TGFBR3: variants seen among roughly 807,000 people sequenced by gnomAD.
TGFBR3 encodes transforming growth factor beta receptor 3.
A neutral mutation model predicts 87.9 loss-of-function variants in TGFBR3; 46 were observed. The observed-to-expected ratio is 0.52, with a 90% confidence interval of 0.41 to 0.67. TGFBR3 has a LOEUF of 0.67. Ranked by LOEUF, TGFBR3 falls within the 30% of genes least tolerant of loss-of-function variation. The probability of loss-of-function intolerance (pLI) is 0.00; values close to 1 mark genes in which losing one functional copy is unlikely to be tolerated. For missense variants in TGFBR3, 866 were observed against 1,041.9 expected (o/e 0.83, Z 2.32); for synonymous variants, 381 against 391.6 (o/e 0.97, Z 0.32).
intron 2 of TGFBR3, among the ~76,000 whole-genome samples, chr1:91,810,173 C>G (rs1051335739): frequency 6.6e-6 from 1 of 152,142 alleles, no homozygotes; most frequent in Non-Finnish European, 1.5e-5. Context: ...ATCCTCCCAC[C>G]TCGGCCTCCC....
chr1:91,878,002 G>A (rs529943854), intron 1 of TGFBR3, among the ~76,000 whole-genome samples: 5 of 152,280 alleles, frequency 3.3e-5, no homozygotes, highest in Admixed American at 6.5e-5. Context: ...AAGACCTTAC[G>A]CTGCAATGAT....
intron 3 of TGFBR3, among the ~76,000 whole-genome samples, chr1:91,782,125 G>A (rs1674791639): frequency 6.6e-6 from 1 of 152,116 alleles, no homozygotes; most frequent in Non-Finnish European, 1.5e-5. Context: ...GAGCAATGAA[G>A]GGCCTGCGTG....
chr1:91,698,553 C>T (rs866049417), intron 14 of TGFBR3, among the ~76,000 whole-genome samples: 3 of 136,572 alleles, frequency 2.2e-5, no homozygotes, highest in Admixed American at 7.9e-5. Flanking sequence ...CTTTGTTGCT[C>T]AGGCTGGAGG....
intron 1 of TGFBR3, among the ~76,000 whole-genome samples, chr1:91,903,320 C>CA (rs755696683): frequency 2.9e-5 from 3 of 101,878 alleles, no homozygotes; most frequent in Non-Finnish European, 5.2e-5. Flanking sequence ...GCCTGGGAGA[C>CA]AGAGTGAGAT....
At chr1:91,786,384 A>C (rs771141854) in intron 3 of TGFBR3, among the ~76,000 whole-genome samples, 1 of 152,198 alleles carries the variant, frequency 6.6e-6, no homozygotes, top group Non-Finnish European at 1.5e-5. Flanking sequence ...AGTGGAGAAA[A>C]ACAGAGAAAT....
At chr1:91,881,415 G>A (rs1465890075) in intron 1 of TGFBR3, among the ~76,000 whole-genome samples, 1 of 152,134 alleles carries the variant, frequency 6.6e-6, no homozygotes, top group Admixed American at 6.5e-5. Context: ...TCAAGCCAAC[G>A]AAAGGCTTTC....
At chr1:91,815,618 T>C (rs1457639331) in intron 2 of TGFBR3, among the ~76,000 whole-genome samples, 1 of 152,176 alleles carries the variant, frequency 6.6e-6, no homozygotes, top group African/African-American at 2.4e-5. Flanking sequence ...GGCTCATCTC[T>C]GCCATTAACA....
In TGFBR3 at chr1:91,712,368, C is replaced by A; in HGVS notation, c.2041G>T (p.Ala681Ser). The change falls in exon 13 of 17, where the codon GCT becomes TCT. Residue 681 changes from alanine (A) to serine (S), a missense_variant. Coordinates refer to ENST00000212355, the MANE Select transcript of TGFBR3 (RefSeq NM_003243.5). ...CTGAATCGCTTCTTATCCATGTCAG[C>A]TTGCGGGATAGGAAAGTGCACTCTC... ...PKRVHFPIPQ[A>S]DMDKKRFSFV... 6.2e-7 allele frequency: 1 copy of A among 1,614,198 alleles called. No homozygotes were observed. Among genetic ancestry groups the A allele is most frequent in the Non-Finnish European group, 8.5e-7 (1 of 1,180,028 alleles).
At chr1:91,788,230 C>T (rs528729993) in intron 3 of TGFBR3, among the ~76,000 whole-genome samples, 1 of 152,310 alleles carries the variant, frequency 6.6e-6, no homozygotes, top group East Asian at 1.9e-4. Context: ...GCCTGGTTCC[C>T]CTAAGGTATT....
intron 1 of TGFBR3, among the ~76,000 whole-genome samples, chr1:91,865,217 A>G (rs1204404473): frequency 6.6e-6 from 1 of 151,030 alleles, no homozygotes; most frequent in Non-Finnish European, 1.5e-5. Flanking sequence ...AAAAAAAAAA[A>G]AAGAAAAAAA....
At chr1:91,834,535 A>G (rs183780446) in intron 2 of TGFBR3, among the ~76,000 whole-genome samples, 1 of 152,318 alleles carries the variant, frequency 6.6e-6, no homozygotes, top group Non-Finnish European at 1.5e-5. Context: ...CCGAACACCT[A>G]CTACCTAAAG....
At chr1:91,875,780 C>CGGG (rs1204497451) in intron 1 of TGFBR3, among the ~76,000 whole-genome samples, 5 of 6,852 alleles carry the variant, frequency 7.3e-4, no homozygotes, top group Non-Finnish European at 1.0e-3. Context: ...CCCAGCTACT[C>CGGG]GGGCGGGGGG....
chr1:91,797,571 C>T, intron 2 of TGFBR3, 100 bp from the exon 3 acceptor site: 3 of 1,304,094 alleles, frequency 2.3e-6, no homozygotes, highest in South Asian at 1.2e-5. Flanking sequence ...ACCAGAGATG[C>T]CTTTCCAGGT....
At chr1:91,879,639 T>G (rs1678996156) in intron 1 of TGFBR3, among the ~76,000 whole-genome samples, 1 of 152,210 alleles carries the variant, frequency 6.6e-6, no homozygotes, top group Non-Finnish European at 1.5e-5. Context: ...TATATCAATG[T>G]TGTTTCAAAA....
chr1:91,797,070 C>T (rs556017208), intron 3 of TGFBR3, among the ~76,000 whole-genome samples: 48 of 152,116 alleles, frequency 3.2e-4, no homozygotes, highest in African/African-American at 9.6e-4. Context: ...TTTTCCAATA[C>T]GGAGGGCCAG....
chr1:91,712,000 G>A (rs1671996669), intron 13 of TGFBR3, among the ~76,000 whole-genome samples: 3 of 152,156 alleles, frequency 2.0e-5, no homozygotes, highest in Non-Finnish European at 2.9e-5. Context: ...ATGGAAAAGC[G>A]TCTTGATTTA....
chr1:91,797,039 T>C lies in TGFBR3; in HGVS notation c.246+248A>G, dbSNP rs17886690. Among the ~76,000 whole-genome samples the C allele has an allele frequency of 2.8e-3, 428 of 152,204 alleles. 3 individuals carry two copies. Among genetic ancestry groups the C allele is most frequent in the African/African-American group, 9.2e-3 (384 of 41,526 alleles). ...ACCATCACCATGCCTGGCCTAAAAGTTGAAATTCTTATGAACGTTTTTTTC... is the reference window on the plus strand; with the variant it reads ...ACCATCACCATGCCTGGCCTAAAAGCTGAAATTCTTATGAACGTTTTTTTC... On this transcript the variant is annotated intron_variant, in intron 3 of 16. Coordinates refer to ENST00000212355, the MANE Select transcript of TGFBR3 (RefSeq NM_003243.5).
chr1:91,820,032 C>T (rs145851689), intron 2 of TGFBR3, among the ~76,000 whole-genome samples: 149 of 152,232 alleles, frequency 9.8e-4, no homozygotes, highest in Non-Finnish European at 1.5e-3. Flanking sequence ...TTATAAGACT[C>T]AAATGAGAGA....
intron 1 of TGFBR3, chr1:91,899,821 G>A (rs1402990292): frequency 6.6e-6 from 1 of 151,532 alleles, no homozygotes. Context: ...GGGCACAGTG[G>A]GCACTTGTAG....
Sources: allele counts gnomAD v4.1 joint callset (sites outside exome capture counted in the v4.1 genomes callset), GRCh38; gene constraint gnomAD v4.1.1; transcripts MANE v1.5; gene names NCBI Gene and HGNC (gene_info 2026-07-23, HGNC 2026-07-21).